EYS: variants seen among roughly 807,000 people sequenced by gnomAD.
EYS encodes protein eyes shut homolog.
Under a neutral mutation model 282.1 loss-of-function variants are expected in EYS, and 250 were observed. That is an observed-to-expected ratio of 0.89 (90% CI 0.80 to 0.98). The LOEUF (loss-of-function observed/expected upper bound fraction) is 0.98. EYS is among the 50% of genes least tolerant of loss of function. The probability of loss-of-function intolerance (pLI) is 0.00; values close to 1 mark genes in which losing one functional copy is unlikely to be tolerated. For missense variants in EYS, 4,016 were observed against 3,709.0 expected, an observed-to-expected ratio of 1.08 and a Z score of -2.15; for synonymous variants, 1,355 against 1,282.9, an observed-to-expected ratio of 1.06 and a Z score of -1.20.
At chr6:64,246,830 C>T (rs1767039104) in intron 30 of EYS, among the ~76,000 whole-genome samples, 2 of 152,024 alleles carry the variant, frequency 1.3e-5, no homozygotes, top group African/African-American at 4.8e-5. Context: ...AGTATGGGTC[C>T]TTAAATCACA....
chr6:64,823,006 T>G (rs1242565809), intron 19 of EYS, among the ~76,000 whole-genome samples, 184 bp from the exon 20 acceptor site: 1 of 152,014 alleles, frequency 6.6e-6, no homozygotes, highest in Non-Finnish European at 1.5e-5. Flanking sequence ...ATGTTCAGAT[T>G]ACTAATTTAA....
At chr6:64,256,143 T>C (rs529209421) in intron 30 of EYS, among the ~76,000 whole-genome samples, 88 of 152,130 alleles carry the variant, frequency 5.8e-4, no homozygotes, top group Non-Finnish European at 9.7e-4. Flanking sequence ...ATTTACATAC[T>C]TTAGAATTTA....
intron 12 of EYS, among the ~76,000 whole-genome samples, chr6:65,278,518 T>G (rs1025753332): frequency 6.6e-6 from 1 of 151,758 alleles, no homozygotes; most frequent in Non-Finnish European, 1.5e-5. Flanking sequence ...GCTGCAATCT[T>G]TTTGGATATT....
chr6:64,447,186 G>A (rs1474229138), intron 26 of EYS, among the ~76,000 whole-genome samples: 1 of 152,034 alleles, frequency 6.6e-6, no homozygotes, highest in Non-Finnish European at 1.5e-5. Context: ...CACAGATACT[G>A]TCTAAAACTT....
intron 31 of EYS, among the ~76,000 whole-genome samples, chr6:64,092,023 T>C (rs990889320): frequency 6.6e-6 from 1 of 152,200 alleles, no homozygotes; most frequent in African/African-American, 2.4e-5. Flanking sequence ...GTCCTTGCGA[T>C]AGTTTGCTGA....
chr6:65,624,449 T>A (rs930054936), intron 2 of EYS, among the ~76,000 whole-genome samples: 6 of 152,188 alleles, frequency 3.9e-5, no homozygotes, highest in African/African-American at 1.4e-4. Flanking sequence ...AGAGCCTTTT[T>A]TCAGCTGAAT....
At chr6:64,790,125 T>C (rs959916968) in intron 22 of EYS, among the ~76,000 whole-genome samples, 5 of 152,030 alleles carry the variant, frequency 3.3e-5, no homozygotes, top group Admixed American at 3.3e-4. Flanking sequence ...GGAATCTTTT[T>C]TGCTTTGCTT....
intron 30 of EYS, among the ~76,000 whole-genome samples, chr6:64,281,883 G>T (rs183880392): frequency 6.6e-6 from 1 of 152,156 alleles, no homozygotes; most frequent in Admixed American, 6.5e-5. Flanking sequence ...AGGGTTTTTT[G>T]CAATAATCCT....
rs548545956 is a variant in EYS at position 64,626,386 on chromosome 6, G to A, written c.3444-141C>T. ...TGGGAGCCTTCCTTGGGGTGACAAT[G>A]AGTTGAATTGTGGCCCCAAAACAGT... On this transcript the variant is annotated intron_variant, in intron 22 of 42. Coordinates refer to ENST00000503581, the MANE Select transcript of EYS (RefSeq NM_001142800.2). The A allele has an allele frequency of 6.4e-5, 58 of 901,762 alleles. No homozygotes were observed. In the East Asian group the frequency reaches 1.6e-3, roughly 25 times the overall value. 55.9% of individuals were successfully genotyped at this position (901,762 alleles called of 1,614,324 possible). A position where few individuals can be genotyped will look rare whatever the true frequency, so the allele number is the denominator to read the frequency against.
chr6:63,999,987 T>C (rs1562142113), intron 33 of EYS, among the ~76,000 whole-genome samples: 1 of 152,080 alleles, frequency 6.6e-6, no homozygotes, highest in Non-Finnish European at 1.5e-5. Context: ...ACAATACAAA[T>C]ATGTTCGCTG....
At chr6:64,306,333 C>T (rs546544690) in intron 30 of EYS, among the ~76,000 whole-genome samples, 8 of 152,168 alleles carry the variant, frequency 5.3e-5, no homozygotes, top group South Asian at 2.1e-4. Flanking sequence ...CTTACTTCTG[C>T]GTTTCCAATT....
chr6:64,682,606 T>C (rs1471363453), intron 22 of EYS, among the ~76,000 whole-genome samples: 1 of 152,118 alleles, frequency 6.6e-6, no homozygotes, highest in Non-Finnish European at 1.5e-5. Context: ...TACAACTTCC[T>C]AAACACACTG....
intron 1 of EYS, among the ~76,000 whole-genome samples, chr6:65,648,693 A>G (rs1344087121): frequency 7.0e-6 from 1 of 142,678 alleles, no homozygotes; most frequent in Non-Finnish European, 1.6e-5. Context: ...CTGTTCCCCA[A>G]ACACCTATTG....
chr6:64,092,970 A>G (rs1397296236), intron 31 of EYS, among the ~76,000 whole-genome samples: 3 of 151,028 alleles, frequency 2.0e-5, no homozygotes, highest in African/African-American at 7.3e-5. Flanking sequence ...CTTTCTACAT[A>G]TGGCTAGCCA....
At chr6:64,936,261 A>G (rs1768902890) in intron 15 of EYS, among the ~76,000 whole-genome samples, 1 of 151,538 alleles carries the variant, frequency 6.6e-6, no homozygotes, top group African/African-American at 2.4e-5. Flanking sequence ...AAAACAAAAA[A>G]AACACTCAAC....
At chr6:65,319,204 C>CAAAAAAAAAAAAAAA (rs55687610) in intron 11 of EYS, among the ~76,000 whole-genome samples, 9 of 44,382 alleles carry the variant, frequency 2.0e-4, no homozygotes, top group Non-Finnish European at 2.0e-4. Context: ...ACTAAAAATG[C>CAAAAAAAAAAAAAAA]AAAAAAAAAA....
chr6:64,380,946 C>T (rs937543635), intron 29 of EYS, among the ~76,000 whole-genome samples: 7 of 148,784 alleles, frequency 4.7e-5, no homozygotes, highest in Admixed American at 6.8e-5. Flanking sequence ...ACCCGGGAGG[C>T]GGAGGTTGCA....
intron 33 of EYS, among the ~76,000 whole-genome samples, chr6:64,024,228 A>G (rs1238681645): frequency 6.6e-6 from 1 of 152,024 alleles, no homozygotes; most frequent in Non-Finnish European, 1.5e-5. Context: ...CAGAACCTTT[A>G]TGTCTAGCTA....
At chr6:64,351,639 T>A (rs926279111) in intron 29 of EYS, among the ~76,000 whole-genome samples, 10 of 151,412 alleles carry the variant, frequency 6.6e-5, no homozygotes, top group African/African-American at 2.4e-4. Flanking sequence ...AGACAAAAAA[T>A]TAATATTTGC....
Sources: gnomAD v4.1 joint callset for allele counts (sites outside exome capture counted in the v4.1 genomes callset) on GRCh38, gnomAD v4.1.1 for gene constraint, MANE v1.5 for transcripts, NCBI Gene and HGNC (gene_info 2026-07-23, HGNC 2026-07-21) for gene names.